LRRC45: variants seen among roughly 807,000 people sequenced by gnomAD.
LRRC45 encodes the protein leucine rich repeat containing 45, also known as leucine-rich repeat-containing protein 45.
LRRC45 carries 73 observed loss-of-function variants against 85.4 expected under a neutral mutation model. That is an observed-to-expected ratio of 0.85 (90% CI 0.71 to 1.04). LRRC45 has a LOEUF of 1.04. Ranked by LOEUF, LRRC45 falls within the 50% of genes least tolerant of loss-of-function variation. LRRC45 has a pLI of 0.00. For synonymous variants in LRRC45, 429 were observed against 386.0 expected (o/e 1.11, Z -1.31); for missense variants, 937 against 883.3 (o/e 1.06, Z -0.77).
Position 82,028,139 on chromosome 17 carries a change from A to T in LRRC45, c.1040A>T (p.Glu347Val). 1 of 1,566,548 alleles carries T rather than the reference A, an allele frequency of 6.4e-7. No individual in the cohort carries two copies. The highest frequency in any genetic ancestry group is 1.2e-5 in the South Asian group (1 of 85,822). Residue 347 changes from glutamate to valine, a missense_variant, in exon 9 of 17, where the codon GAG becomes GTG. Glu to Val is a moderately radical substitution (Grantham distance 121). Coordinates refer to ENST00000306688, the MANE Select transcript of LRRC45 (RefSeq NM_144999.4). ...SQRQAKELKL[E>V]QQEAAERESK... ...AGGCAGGCCAAGGAGCTCAAGCTGG[A>T]GCAGCAGGTGGGTGGGCAGGGCTTG...
At position 82,028,447 on chromosome 17, in the gene LRRC45, G is replaced by A; in HGVS notation, c.1176G>A (p.Gln392=). 1.2e-6 allele frequency: 2 copies of A among 1,612,734 alleles called. No homozygotes were observed. Among genetic ancestry groups the A allele is most frequent in the Non-Finnish European group, 1.7e-6 (2 of 1,179,962 alleles). Residue 392 remains glutamine, a synonymous_variant, in exon 11 of 17, where the codon CAG becomes CAA. Coordinates refer to ENST00000306688, the MANE Select transcript of LRRC45 (RefSeq NM_144999.4). ...KFRCQQEQLF[Q]TRQEMTSMSA... ...GGTGTCAGCAGGAGCAGCTGTTCCA[G>A]ACCAGGCAGGAGATGACCAGCATGT...
chr17:82,025,245 G>C, intron 4 of LRRC45, 67 bp downstream of exon 4: 1 of 1,534,342 alleles, frequency 6.5e-7, no homozygotes, highest in Non-Finnish European at 8.8e-7. Flanking sequence ...TGGGAAGTGA[G>C]GGGCTAGGGG....
chr17:82,025,408 G>C lies in LRRC45; in HGVS notation c.562G>C (p.Gly188Arg). 4 of 1,597,892 alleles carry C rather than the reference G, an allele frequency of 2.5e-6. No homozygotes were observed. The highest frequency in any genetic ancestry group is 2.2e-5 in the South Asian group (2 of 89,020). Residue 188 changes from glycine to arginine, a missense_variant, in exon 5 of 17, where the codon GGG (glycine) becomes CGG (arginine). By Grantham distance (125) the Gly-to-Arg change is moderately radical. Coordinates refer to ENST00000306688, the MANE Select transcript of LRRC45 (RefSeq NM_144999.4). The part of the protein sequence containing the change: ...DLRWNNVGLL[G>R]GRALMNCLPS... ...GCGCTGGAATAACGTTGGCCTCCTG[G>C]GGGGCCGGGCCCTCATGAACTGTCT...
chr17:82,029,098 G>A lies in LRRC45; in HGVS notation c.1314G>A (p.Glu438=), dbSNP rs75426455. 265 of 1,612,468 alleles carry A rather than the reference G, an allele frequency of 1.6e-4. 3 individuals are homozygous for A. In the East Asian group the frequency reaches 5.7e-3, roughly 35 times the overall value. The change falls in exon 13 of 17, where the codon GAG becomes GAA. Residue 438 remains glutamate (E), a synonymous_variant. Transcript: ENST00000306688. ...DSESLRIKEV[E]HMTRHLEESE... is the part of the protein sequence containing the mutation. ...CAATCCCTGCCCCTGAGCAGGTGGA[G>A]CATATGACCCGTCACCTGGAGGAGA...
Position 82,030,208 on chromosome 17 carries a change from C to A in LRRC45, c.1638C>A (p.Gly546=), listed in dbSNP as rs1027353907. ...GCCAGCTGGGCCTGCAAGTTGAGGG[C>A]CTGCGGCGGCGCCTGGAAGAGCTGC... ...RVSQLGLQVE[G]LRRRLEELQQ... is the part of the protein sequence containing the mutation. Residue 546 remains glycine (G), a synonymous_variant, in exon 15 of 17, where the codon GGC becomes GGA. Coordinates refer to ENST00000306688, the MANE Select transcript of LRRC45 (RefSeq NM_144999.4). The A allele has an allele frequency of 5.2e-6, 8 of 1,537,530 alleles. No individual in the cohort carries two copies. The highest frequency in any genetic ancestry group is 7.0e-6 in the Non-Finnish European group (8 of 1,139,202).
intron 7 of LRRC45, 73 bp from the exon 8 acceptor site, chr17:82,027,601 C>A: frequency 6.5e-7 from 1 of 1,544,216 alleles, no homozygotes; most frequent in Non-Finnish European, 8.9e-7. Context: ...ACAGCAGCAG[C>A]TACCGAGGCC....
In LRRC45 at chr17:82,028,463, A is replaced by T. The variant is rs1353809845; in HGVS notation, c.1192A>T (p.Thr398Ser). The T allele has an allele frequency of 6.2e-7, 1 of 1,612,532 alleles. No homozygotes were observed. The highest frequency in any genetic ancestry group is 8.5e-7 in the Non-Finnish European group (1 of 1,179,948). Reference protein sequence around the residue: ...EQLFQTRQEMTSMSAELKMRA... With the variant: ...EQLFQTRQEMSSMSAELKMRA... ...GCTGTTCCAGACCAGGCAGGAGATG[A>T]CCAGCATGTCAGCTGAGCTGAAGAT... Residue 398 changes from threonine (T) to serine (S), a missense_variant, in exon 11 of 17, where the codon ACC (threonine) becomes TCC (serine). By Grantham distance (58) the Thr-to-Ser change is moderately conservative (BLOSUM62 1). Coordinates refer to ENST00000306688, the MANE Select transcript of LRRC45 (RefSeq NM_144999.4).
Position 82,025,189 on chromosome 17 carries a change from C to A in LRRC45, c.532+11C>A. 1 of 1,579,748 alleles carries A rather than the reference C, an allele frequency of 6.3e-7. No homozygotes were observed. The highest frequency in any genetic ancestry group is 1.1e-5 in the South Asian group (1 of 86,974). ...CCCTCCAGCAGCTGGGTGAGGCCTC[C>A]CAGGCGCCCTCAGGCTCCCTCATCC... On this transcript the variant is annotated intron_variant, in intron 4 of 16. Transcript: ENST00000306688.
At chr17:82,029,357 G>C (rs947023307) in intron 13 of LRRC45, 172 bp downstream of exon 13, 3 of 880,934 alleles carry the variant, frequency 3.4e-6, no homozygotes, top group Non-Finnish European at 5.2e-6. Flanking sequence ...AAGGGACTTA[G>C]GTGGCATTCG....
Position 82,029,539 on chromosome 17 carries a change from G to T in LRRC45, c.1402-4G>T. ...AACGGGCTGGCAGGTGGCCATCTGTGCAGGAGCTGAGCCGAGTGAAAGCAG... is the reference window on the plus strand; with the variant it reads ...AACGGGCTGGCAGGTGGCCATCTGTTCAGGAGCTGAGCCGAGTGAAAGCAG... On this transcript the variant is annotated splice_polypyrimidine_tract_variant and splice_region_variant and intron_variant, in intron 13 of 16. Coordinates refer to ENST00000306688, the MANE Select transcript of LRRC45 (RefSeq NM_144999.4). 6.4e-7 allele frequency: 1 copy of T among 1,564,118 alleles called. No individual in the cohort carries two copies. The highest frequency in any genetic ancestry group is 8.7e-7 in the Non-Finnish European group (1 of 1,155,946).
intron 1 of LRRC45, 25 bp downstream of exon 1, chr17:82,023,888 C>A: frequency 6.5e-7 from 1 of 1,538,552 alleles, no homozygotes; most frequent in Non-Finnish European, 8.8e-7. Flanking sequence ...CGGGGTGGAT[C>A]CCTCTGCTCC....
chr17:82,024,468 G>A (rs1484268143), intron 2 of LRRC45, 129 bp downstream of exon 2: 5 of 1,115,552 alleles, frequency 4.5e-6, no homozygotes, highest in Non-Finnish European at 6.5e-6. Context: ...TCCCCAGGCC[G>A]CTCTCTGATG....
rs141814848 is a variant in LRRC45 at position 82,027,737 on chromosome 17, C to T, written c.897C>T (p.Asn299=). 1.8e-4 allele frequency: 297 copies of T among 1,610,968 alleles called. No individual in the cohort carries two copies. In the African/African-American group the frequency reaches 3.1e-3, roughly 17 times the overall value. Residue 299 remains asparagine (N), a synonymous_variant, in exon 8 of 17, where the codon AAC becomes AAT. Transcript: ENST00000306688. The part of the protein sequence containing the change: ...EALNERHSII[N]ALKAKLQMTE... ...TGAATGAGAGGCACTCCATCATCAA[C>T]GCTCTCAAGGCCAAGTAAGTGGGGG...
In LRRC45 at chr17:82,024,677, C is replaced by T. The variant is rs778512504; in HGVS notation, c.283-16C>T. On this transcript the variant is annotated splice_polypyrimidine_tract_variant and intron_variant, in intron 2 of 16. Coordinates refer to ENST00000306688, the MANE Select transcript of LRRC45 (RefSeq NM_144999.4). ...GTCAGGGCACGCGAGTGACTACCGG[C>T]CTGTTTCTCTCCTAGGGCAACAACC... 3.8e-6 allele frequency: 6 copies of T among 1,568,070 alleles called. No homozygotes were observed. In the Admixed American group the frequency reaches 1.0e-4, roughly 26 times the overall value.
intron 1 of LRRC45, 142 bp from the exon 2 acceptor site, chr17:82,024,136 C>T (rs536025276): frequency 6.1e-6 from 6 of 983,442 alleles, no homozygotes; most frequent in South Asian, 3.3e-5. Context: ...GACTTCGCAG[C>T]GAGACTCTTG....
chr17:82,024,101 C>A, intron 1 of LRRC45, 177 bp from the exon 2 acceptor site: 2 of 788,810 alleles, frequency 2.5e-6, no homozygotes, highest in Non-Finnish European at 3.9e-6. Flanking sequence ...TGGTGCCTGG[C>A]AGGGGCTGCA....
intron 5 of LRRC45, among the ~76,000 whole-genome samples, chr17:82,026,249 C>T (rs1361565048): frequency 6.6e-6 from 1 of 152,248 alleles, no homozygotes; most frequent in Non-Finnish European, 1.5e-5. Flanking sequence ...GCATTTGCCT[C>T]AGCATTGTGC....
rs1159283425 is a variant in LRRC45, at chr17:82,023,349, G to T, written c.-295G>T. The stretch of plus-strand genomic sequence containing the variant: ...GCCCCGACGCGGCTGTCGCGAGGGC[G>T]GGGGTCGGGGCTGCAGGCGGGGCAG... On this transcript the variant is annotated 5_prime_UTR_variant, in exon 1 of 17. Coordinates refer to ENST00000306688, the MANE Select transcript of LRRC45 (RefSeq NM_144999.4). 1.5e-5 allele frequency: 7 copies of T among 468,598 alleles called. No individual in the cohort carries two copies. The highest frequency in any genetic ancestry group is 2.6e-5 in the Non-Finnish European group (7 of 265,990). The allele number at this position is 468,598 out of a possible 1,614,324, so 29.0% of individuals were successfully genotyped here. A position where few individuals can be genotyped will look rare whatever the true frequency, so the allele number is the denominator to read the frequency against.
At position 82,027,386 on chromosome 17, in the gene LRRC45, T is replaced by C. The variant is rs757809075; in HGVS notation, c.775T>C (p.Phe259Leu). 27 of 1,612,458 alleles carry C rather than the reference T, an allele frequency of 1.7e-5. No homozygotes were observed. The highest frequency in any genetic ancestry group is 2.1e-5 in the Non-Finnish European group (25 of 1,179,934). ...QHLREEKSKQFLDLMETIDKQ... is the reference protein window; with the variant it reads ...QHLREEKSKQLLDLMETIDKQ... ...GGGCTGCGGCTGTCTCTGTCCCCAG[T>C]TCCTCGACTTGATGGAGACTATTGA... The change falls in exon 7 of 17, where the codon TTC (phenylalanine) becomes CTC (leucine). Residue 259 changes from phenylalanine (F) to leucine (L), a missense_variant and splice_region_variant. By Grantham distance (22) the Phe-to-Leu change is conservative. Transcript: ENST00000306688.
Sources: allele counts gnomAD v4.1 joint callset (sites outside exome capture counted in the v4.1 genomes callset), GRCh38; gene constraint gnomAD v4.1.1; transcripts MANE v1.5; gene names NCBI Gene and HGNC (gene_info 2026-07-23, HGNC 2026-07-21).